The following ESRRG variants were observed in gnomAD, a reference collection of about 807,000 sequenced individuals.
The protein encoded by ESRRG is estrogen-related receptor gamma.
Under a neutral mutation model 44.0 loss-of-function variants are expected in ESRRG, and 13 were observed. The observed-to-expected ratio is 0.30, with a 90% CI of 0.19 to 0.47. The LOEUF is 0.47. ESRRG is among the 20% of genes least tolerant of loss of function. ESRRG has a pLI of 1.00. For missense variants in ESRRG, 395 were observed against 580.6 expected (o/e 0.68, Z 3.29); for synonymous variants, 215 against 214.6 (o/e 1.00, Z -0.02).
intron 1 of ESRRG, among the ~76,000 whole-genome samples, chr1:217,072,658 T>C (rs769195733): frequency 2.6e-5 from 4 of 152,106 alleles, no homozygotes; most frequent in Non-Finnish European, 4.4e-5. Flanking sequence ...ATGATTCTTT[T>C]GAGCAGTCCC....
At chr1:216,940,456 C>G (rs756406857) in intron 1 of ESRRG, among the ~76,000 whole-genome samples, 1 of 152,130 alleles carries the variant, frequency 6.6e-6, no homozygotes. Flanking sequence ...AATTCTGTGC[C>G]GAACTTGCAG....
intron 2 of ESRRG, among the ~76,000 whole-genome samples, chr1:216,759,674 C>T (rs901700060): frequency 2.6e-5 from 4 of 152,078 alleles, no homozygotes; most frequent in African/African-American, 9.7e-5. Context: ...ATCTGTTAGT[C>T]CCAAGCACTA....
chr1:216,985,331 TG>T (rs2074686374), intron 1 of ESRRG, among the ~76,000 whole-genome samples: 1 of 152,172 alleles, frequency 6.6e-6, no homozygotes, highest in South Asian at 2.1e-4. Flanking sequence ...CTCCACGCAC[TG>T]GAAGAGGTGA....
intron 2 of ESRRG, among the ~76,000 whole-genome samples, chr1:216,825,122 A>G (rs3738490): frequency 0.13 from 19,916 of 152,086 alleles, 1,457 homozygotes; most frequent in East Asian, 0.26. Context: ...AGTAATGGTG[A>G]GCCCTCTTCC....
intron 2 of ESRRG, among the ~76,000 whole-genome samples, chr1:216,663,978 A>G (rs17043240): frequency 0.043 from 6,606 of 152,208 alleles, 202 homozygotes; most frequent in South Asian, 0.12. Context: ...CATTTAAGGG[A>G]TTTCTAAAAA....
At chr1:216,747,790 T>C (rs773431687) in intron 2 of ESRRG, among the ~76,000 whole-genome samples, 1 of 152,174 alleles carries the variant, frequency 6.6e-6, no homozygotes, top group Non-Finnish European at 1.5e-5. Context: ...CCTTAAAATA[T>C]TATTAATCTA....
At chr1:216,670,927 G>C (rs998107037) in intron 2 of ESRRG, among the ~76,000 whole-genome samples, 1 of 152,134 alleles carries the variant, frequency 6.6e-6, no homozygotes, top group Non-Finnish European at 1.5e-5. Flanking sequence ...AGTCTCCCAG[G>C]CTATTATGAA....
intron 3 of ESRRG, among the ~76,000 whole-genome samples, chr1:216,586,812 A>G (rs1387294972): frequency 6.6e-6 from 1 of 151,874 alleles, no homozygotes; most frequent in East Asian, 1.9e-4. Context: ...CGTGACCTCA[A>G]ATGATCTGCC....
chr1:216,901,365 G>A (rs1267146624), intron 2 of ESRRG, among the ~76,000 whole-genome samples: 2 of 151,976 alleles, frequency 1.3e-5, no homozygotes, highest in Non-Finnish European at 2.9e-5. Context: ...TTGTCTTTCT[G>A]CTTTTACTTT....
intron 1 of ESRRG, among the ~76,000 whole-genome samples, chr1:216,967,851 T>C (rs2070787382): frequency 6.6e-6 from 1 of 152,188 alleles, no homozygotes; most frequent in African/African-American, 2.4e-5. Flanking sequence ...CCATTTTGCA[T>C]TCCTATCAGT....
chr1:216,535,542 A>T (rs1228193199), intron 5 of ESRRG, among the ~76,000 whole-genome samples: 1 of 152,120 alleles, frequency 6.6e-6, no homozygotes, highest in Non-Finnish European at 1.5e-5. Flanking sequence ...CTGTAGCAGG[A>T]CTAATTCTTA....
At chr1:216,724,497 CT>C (rs2087074450), upstream of ESRRG, among the ~76,000 whole-genome samples, 1 of 151,656 alleles carries the variant, frequency 6.6e-6, no homozygotes, top group Admixed American at 6.6e-5. Context: ...CCAAAACATC[CT>C]GCTTTCAAAT....
At chr1:216,601,344 A>T (rs542294154) in intron 3 of ESRRG, among the ~76,000 whole-genome samples, 1 of 152,042 alleles carries the variant, frequency 6.6e-6, no homozygotes, top group African/African-American at 2.4e-5. Context: ...GCGCGTCCGG[A>T]GCCGACGCCG....
intron 1 of ESRRG, among the ~76,000 whole-genome samples, chr1:216,710,109 C>T (rs376473042): frequency 3.3e-5 from 5 of 152,086 alleles, no homozygotes; most frequent in East Asian, 1.9e-4. Context: ...GTAAACAAGG[C>T]GGGTACAAGT....
At chr1:216,939,929 A>T (rs1405897007) in intron 1 of ESRRG, among the ~76,000 whole-genome samples, 2 of 152,130 alleles carry the variant, frequency 1.3e-5, no homozygotes, top group African/African-American at 4.8e-5. Flanking sequence ...CTTCCTTCTC[A>T]GCTTTATCAG....
intron 1 of ESRRG, among the ~76,000 whole-genome samples, chr1:217,020,135 T>C (rs1402190376): frequency 6.6e-6 from 1 of 152,116 alleles, no homozygotes; most frequent in Non-Finnish European, 1.5e-5. Flanking sequence ...TTCCCTCACA[T>C]GGTTTTGCTC....
intron 1 of ESRRG, among the ~76,000 whole-genome samples, chr1:216,982,821 C>T (rs1294376592): frequency 6.6e-6 from 1 of 152,116 alleles, no homozygotes; most frequent in African/African-American, 2.4e-5. Flanking sequence ...AAGAACCTGG[C>T]ACATACAAAA....
intron 1 of ESRRG, among the ~76,000 whole-genome samples, chr1:216,985,143 A>C (rs1411589130): frequency 6.6e-6 from 1 of 152,174 alleles, no homozygotes; most frequent in African/African-American, 2.4e-5. Context: ...AGCTGGAGAG[A>C]ATCTGTGAAT....
intron 2 of ESRRG, among the ~76,000 whole-genome samples, chr1:216,759,252 G>T (rs1387156298): frequency 6.6e-6 from 1 of 152,110 alleles, no homozygotes; most frequent in Admixed American, 6.6e-5. Flanking sequence ...GCAGAAGCCT[G>T]CCTGTTGCTG....
Sources: allele counts gnomAD v4.1 joint callset (sites outside exome capture counted in the v4.1 genomes callset), GRCh38; gene constraint gnomAD v4.1.1; transcripts MANE v1.5; gene names NCBI Gene and HGNC (gene_info 2026-07-23, HGNC 2026-07-21).